The following BTBD8 variants were observed in gnomAD, a reference collection of about 807,000 sequenced individuals.
BTBD8 encodes BTB domain containing 8.
BTBD8 carries 110 observed loss-of-function variants against 162.9 expected under a neutral mutation model. That is an observed-to-expected ratio of 0.68 (90% CI 0.58 to 0.79). The LOEUF (loss-of-function observed/expected upper bound fraction) is 0.79, where lower values mean the gene tolerates loss of function less well. Among genes scored for constraint, BTBD8 ranks in the 30% least tolerant of loss-of-function variants. BTBD8 has a pLI of 0.00. For missense variants in BTBD8, 1,905 were observed against 2,085.4 expected (o/e 0.91, Z 1.68); for synonymous variants, 667 against 716.1 (o/e 0.93, Z 1.10).
intron 13 of BTBD8, among the ~76,000 whole-genome samples, chr1:92,171,793 A>T: frequency 6.6e-6 from 1 of 152,200 alleles, no homozygotes; most frequent in Non-Finnish European, 1.5e-5. Flanking sequence ...CCTACTTCTT[A>T]AAAAAGAAGA....
chr1:92,176,961 T>C lies in BTBD8; in HGVS notation c.1768T>C (p.Ser590Pro). The change falls in exon 14 of 18, where the codon TCG (serine) becomes CCG (proline). Residue 590 changes from serine to proline, a missense_variant. Physicochemically the swap from Ser to Pro is moderately conservative, Grantham distance 74 (BLOSUM62 -1). This residue lies in a region of BTBD8 where 1,374 missense variants were observed against 1,442.7 expected (regional missense o/e 0.95). Transcript: ENST00000636805. ...KSDGLGASGH[S>P]SSTNRNSINK... ...TGATGGATTAGGAGCATCTGGACAT[T>C]CGTCAAGTACCAATAGAAATAGTAT... is the stretch of plus-strand genomic sequence containing the variant. 1 of 1,547,204 alleles carries C rather than the reference T, an allele frequency of 6.5e-7. No homozygotes were observed. The highest frequency in any genetic ancestry group is 8.7e-7 in the Non-Finnish European group (1 of 1,144,680).
intron 7 of BTBD8, 131 bp downstream of exon 7, chr1:92,141,342 C>A: frequency 2.1e-6 from 2 of 959,646 alleles, no homozygotes; most frequent in South Asian, 1.9e-5. Flanking sequence ...AATGAGAACT[C>A]CAGTTGAGAA....
At chr1:92,123,329 G>A (rs1649266312) in intron 4 of BTBD8, among the ~76,000 whole-genome samples, 2 of 152,146 alleles carry the variant, frequency 1.3e-5, no homozygotes, top group South Asian at 4.1e-4. Flanking sequence ...TTGGCAATTA[G>A]GGGTCCTTTG....
rs1649769598 is a variant in BTBD8, at chr1:92,141,220, T to C, written c.930+9T>C. On this transcript the variant is annotated intron_variant, in intron 7 of 17. Coordinates refer to ENST00000636805, the MANE Select transcript of BTBD8 (RefSeq NM_001376131.1). ...GTAATTTCTTTCAGAAGGTAATTAT[T>C]GAGCCTCAGAAATCTTTTATCCAGT... is the stretch of plus-strand genomic sequence containing the variant. 1 of 1,573,318 alleles carries C rather than the reference T, an allele frequency of 6.4e-7. No homozygotes were observed. The highest frequency in any genetic ancestry group is 1.7e-4 in the Middle Eastern group (1 of 5,858).
chr1:92,099,688 G>C (rs1343688257), intron 2 of BTBD8, among the ~76,000 whole-genome samples: 1 of 152,090 alleles, frequency 6.6e-6, no homozygotes, highest in Non-Finnish European at 1.5e-5. Context: ...TGGTTGTTCA[G>C]TGCTAGTATA....
chr1:92,147,893 C>A, intron 9 of BTBD8, 107 bp downstream of exon 9: 1 of 995,752 alleles, frequency 1.0e-6, no homozygotes, highest in Non-Finnish European at 1.5e-6. Context: ...ATTGTAAAAG[C>A]AAGAGGCGTG....
At chr1:92,164,845 A>C (rs1263229015) in intron 9 of BTBD8, among the ~76,000 whole-genome samples, 1 of 151,372 alleles carries the variant, frequency 6.6e-6, no homozygotes, top group African/African-American at 2.4e-5. Flanking sequence ...ATATTTTTGT[A>C]GTTTCACCGT....
rs779085533 is a variant in BTBD8 at position 92,147,699 on chromosome 1, T to C, written c.1035T>C (p.His345=). 5.0e-6 allele frequency: 8 copies of C among 1,608,834 alleles called. No individual in the cohort carries two copies. In the East Asian group the frequency reaches 8.9e-5, roughly 18 times the overall value. Residue 345 remains histidine (H), a synonymous_variant, in exon 9 of 18, where the codon CAT becomes CAC. Coordinates refer to ENST00000636805, the MANE Select transcript of BTBD8 (RefSeq NM_001376131.1). ...FADCMKWIVK[H]FARFWSERSF... ...ATTTTAACAGGTGGATTGTAAAGCA[T>C]TTTGCAAGGTTTTGGTCTGAGAGAA...
At chr1:92,083,629 T>C (rs751529404) in intron 1 of BTBD8, among the ~76,000 whole-genome samples, 4 of 152,314 alleles carry the variant, frequency 2.6e-5, no homozygotes, top group Middle Eastern at 3.4e-3. Context: ...GGGGCTTTCT[T>C]TCTCCAGTGA....
chr1:92,147,195 T>C lies in BTBD8; in HGVS notation c.946T>C (p.Leu316=), dbSNP rs765838692. ...TCAATTTTAGCCTGTTCCCAGAACA[T>C]TGACGTCTATACTAGAATGCCTGAT... ...NFFQKPVPRT[L]TSILECLIIA... Residue 316 remains leucine, a synonymous_variant, in exon 8 of 18, where the codon TTG becomes CTG. Coordinates refer to ENST00000636805, the MANE Select transcript of BTBD8 (RefSeq NM_001376131.1). 1.1e-5 allele frequency: 18 copies of C among 1,608,296 alleles called. No homozygotes were observed. The Admixed American group carries it at 2.9e-4, about 26-fold the overall frequency.
chr1:92,112,792 T>A (rs984724115), intron 4 of BTBD8, among the ~76,000 whole-genome samples: 4 of 152,242 alleles, frequency 2.6e-5, no homozygotes, highest in African/African-American at 9.6e-5. Flanking sequence ...TGGACAATAG[T>A]GATTACTCCA....
chr1:92,115,245 C>A, intron 4 of BTBD8: 1 of 486,018 alleles, frequency 2.1e-6, no homozygotes, highest in East Asian at 5.1e-5. Context: ...AGGGGCCATC[C>A]ACAGTCTTCT....
rs1248319489 is a variant in BTBD8, at chr1:92,184,391, C to G, written c.*61C>G. On this transcript the variant is annotated 3_prime_UTR_variant, in exon 18 of 18. Coordinates refer to ENST00000636805, the MANE Select transcript of BTBD8 (RefSeq NM_001376131.1). ...TATTTTTTGATGCCTATATTATATC[C>G]AAATGATAATTGCATTAGCCGGATA... The G allele has an allele frequency of 5.9e-6, 6 of 1,015,150 alleles. No homozygotes were observed. Among genetic ancestry groups the G allele is most frequent in the Non-Finnish European group, 7.1e-6 (5 of 703,616 alleles). 62.9% of individuals were successfully genotyped at this position (1,015,150 alleles called of 1,614,324 possible).
chr1:92,095,200 C>G (rs1303462736), intron 2 of BTBD8, among the ~76,000 whole-genome samples: 3 of 152,182 alleles, frequency 2.0e-5, no homozygotes, highest in Non-Finnish European at 2.9e-5. Flanking sequence ...ACATTCTTTT[C>G]CCCTAATCTC....
chr1:92,153,246 T>C (rs754067561), intron 9 of BTBD8, among the ~76,000 whole-genome samples: 2 of 152,224 alleles, frequency 1.3e-5, no homozygotes, highest in Non-Finnish European at 2.9e-5. Context: ...GCACTACTTA[T>C]GACCATTTCT....
chr1:92,133,113 A>G (rs1649550350), intron 5 of BTBD8, among the ~76,000 whole-genome samples: 1 of 152,222 alleles, frequency 6.6e-6, no homozygotes, highest in Admixed American at 6.5e-5. Flanking sequence ...TTGAAACAAT[A>G]CACAAAACAA....
chr1:92,124,249 G>A (rs1037468005), intron 4 of BTBD8, among the ~76,000 whole-genome samples: 1 of 152,318 alleles, frequency 6.6e-6, no homozygotes, highest in African/African-American at 2.4e-5. Flanking sequence ...TGCCTTGAAA[G>A]CATGCTTTCC....
chr1:92,144,467 T>C (rs192899631), intron 7 of BTBD8, among the ~76,000 whole-genome samples: 241 of 147,714 alleles, frequency 1.6e-3, no homozygotes, highest in African/African-American at 5.8e-3. Flanking sequence ...ACTTCATTTA[T>C]AGGATTTTGG....
At chr1:92,090,361 A>G (rs1648264527) in intron 2 of BTBD8, among the ~76,000 whole-genome samples, 1 of 152,036 alleles carries the variant, frequency 6.6e-6, no homozygotes, top group Non-Finnish European at 1.5e-5. Flanking sequence ...CTAGTATCTC[A>G]TTATAGTTTT....
Sources: gnomAD v4.1 joint callset for allele counts (sites outside exome capture counted in the v4.1 genomes callset) on GRCh38, gnomAD v4.1.1 for gene constraint, gnomAD v4.1.1 regional missense constraint, MANE v1.5 for transcripts, NCBI Gene and HGNC (gene_info 2026-07-23, HGNC 2026-07-21) for gene names.